The following NKAIN2 variants were observed in gnomAD, a reference collection of about 807,000 sequenced individuals.
The protein encoded by NKAIN2 is sodium/potassium transporting ATPase interacting 2, also known as sodium/potassium-transporting ATPase subunit beta-1-interacting protein 2.
A neutral mutation model predicts 32.6 loss-of-function variants in NKAIN2; 14 were observed. The ratio of observed to expected loss-of-function variants is 0.43; its 90% confidence interval spans 0.28 to 0.67. The LOEUF is 0.67. Among genes scored for constraint, NKAIN2 ranks in the 30% least tolerant of loss-of-function variants. NKAIN2 has a pLI of 0.17. For missense variants in NKAIN2, 198 were observed against 258.3 expected (o/e 0.77, Z 1.60); for synonymous variants, 80 against 87.2 (o/e 0.92, Z 0.46).
chr6:124,697,255 A>T (rs35052104), intron 4 of NKAIN2, among the ~76,000 whole-genome samples: 8,802 of 152,196 alleles, frequency 0.058, 329 homozygotes, highest in African/African-American at 0.11. Context: ...TGACAACAGT[A>T]GTGGTGAGGT....
At chr6:124,524,531 AAT>A (rs1445119829) in intron 3 of NKAIN2, among the ~76,000 whole-genome samples, 2 of 152,134 alleles carry the variant, frequency 1.3e-5, no homozygotes, top group African/African-American at 4.8e-5. Flanking sequence ...TCTAGCTACT[AAT>A]ATATGTTTTC....
At chr6:124,356,130 G>C (rs1798959258) in intron 3 of NKAIN2, among the ~76,000 whole-genome samples, 1 of 152,254 alleles carries the variant, frequency 6.6e-6, no homozygotes, top group African/African-American at 2.4e-5. Flanking sequence ...TACTTACCCT[G>C]TATTAGAGCA....
intron 1 of NKAIN2, among the ~76,000 whole-genome samples, chr6:124,095,402 G>C (rs1784609122): frequency 1.3e-5 from 2 of 152,112 alleles, no homozygotes; most frequent in Non-Finnish European, 2.9e-5. Context: ...GCTTGCTGTT[G>C]TCACTTAAAA....
chr6:124,812,766 CT>C (rs1780962153), intron 5 of NKAIN2, among the ~76,000 whole-genome samples: 1 of 151,992 alleles, frequency 6.6e-6, no homozygotes, highest in African/African-American at 2.4e-5. Flanking sequence ...CAATATGCCC[CT>C]GGCAAACAAA....
chr6:124,486,997 G>T (rs1308701851), intron 3 of NKAIN2, among the ~76,000 whole-genome samples: 1 of 152,126 alleles, frequency 6.6e-6, no homozygotes, highest in Non-Finnish European at 1.5e-5. Flanking sequence ...TGGGTTAAAA[G>T]ATTCACCAGG....
At chr6:124,693,754 G>A (rs1011693250) in intron 4 of NKAIN2, among the ~76,000 whole-genome samples, 1 of 152,154 alleles carries the variant, frequency 6.6e-6, no homozygotes, top group African/African-American at 2.4e-5. Context: ...TGTCATACCA[G>A]AGGAAGCCAA....
intron 2 of NKAIN2, among the ~76,000 whole-genome samples, chr6:124,304,657 T>A (rs1796436015): frequency 6.6e-6 from 1 of 152,196 alleles, no homozygotes; most frequent in Non-Finnish European, 1.5e-5. Context: ...GGCTCATGCC[T>A]GTAATCCCAG....
chr6:124,219,654 AT>A (rs1791702304), intron 1 of NKAIN2, among the ~76,000 whole-genome samples: 1 of 152,100 alleles, frequency 6.6e-6, no homozygotes, highest in Non-Finnish European at 1.5e-5. Flanking sequence ...AATTTTAAAA[AT>A]TCATAAGAAA....
At chr6:123,827,901 A>C (rs576035932) in intron 1 of NKAIN2, among the ~76,000 whole-genome samples, 1 of 151,878 alleles carries the variant, frequency 6.6e-6, no homozygotes. Flanking sequence ...CTCTCTATAT[A>C]TATATATGTC....
At chr6:124,165,208 G>A (rs1402390107) in intron 1 of NKAIN2, among the ~76,000 whole-genome samples, 2 of 151,980 alleles carry the variant, frequency 1.3e-5, no homozygotes, top group African/African-American at 4.8e-5. Context: ...TTTGAAATAT[G>A]TGAATATGCC....
At chr6:124,589,132 C>A (rs534221288) in intron 3 of NKAIN2, among the ~76,000 whole-genome samples, 16 of 152,086 alleles carry the variant, frequency 1.1e-4, no homozygotes, top group African/African-American at 3.9e-4. Flanking sequence ...TTTTATAAAT[C>A]AATATGAAAG....
intron 1 of NKAIN2, among the ~76,000 whole-genome samples, chr6:123,923,866 C>T (rs1222733522): frequency 6.7e-6 from 1 of 149,958 alleles, no homozygotes; most frequent in Non-Finnish European, 1.5e-5. Context: ...GGGTGCAGCA[C>T]ACCAGCATGG....
At chr6:124,596,987 A>G (rs1334163483) in intron 3 of NKAIN2, among the ~76,000 whole-genome samples, 1 of 152,162 alleles carries the variant, frequency 6.6e-6, no homozygotes, top group Non-Finnish European at 1.5e-5. Context: ...ATAGTCATGA[A>G]GAGAAAGTGA....
At chr6:124,187,441 G>A (rs1265835120) in intron 1 of NKAIN2, among the ~76,000 whole-genome samples, 1 of 151,902 alleles carries the variant, frequency 6.6e-6, no homozygotes, top group Non-Finnish European at 1.5e-5. Context: ...TTTGTTTATT[G>A]CAGCCACCCA....
intron 3 of NKAIN2, among the ~76,000 whole-genome samples, chr6:124,532,791 T>C (rs543724): frequency 0.88 from 133,879 of 152,216 alleles, 61,077 homozygotes; most frequent in East Asian, 1. Context: ...AATGCTCCCA[T>C]GGTTCCAACG....
chr6:123,844,009 T>C (rs1157945557), intron 1 of NKAIN2, among the ~76,000 whole-genome samples: 1 of 152,140 alleles, frequency 6.6e-6, no homozygotes, highest in Non-Finnish European at 1.5e-5. Flanking sequence ...ACAGATAAGT[T>C]CCGCTTTGGA....
intron 1 of NKAIN2, among the ~76,000 whole-genome samples, chr6:124,155,407 C>T (rs1787932358): frequency 6.6e-6 from 1 of 151,864 alleles, no homozygotes; most frequent in African/African-American, 2.4e-5. Context: ...CAAAACATTA[C>T]TGTGTACCCC....
intron 4 of NKAIN2, among the ~76,000 whole-genome samples, chr6:124,713,691 C>T (rs1775611034): frequency 6.6e-6 from 1 of 152,130 alleles, no homozygotes; most frequent in Non-Finnish European, 1.5e-5. Context: ...GCTGTCTTCA[C>T]ATGTTAGAAA....
intron 4 of NKAIN2, among the ~76,000 whole-genome samples, chr6:124,768,159 T>A (rs541832772): frequency 1.3e-5 from 2 of 152,304 alleles, no homozygotes; most frequent in Non-Finnish European, 2.9e-5. Context: ...AAAACACTAA[T>A]CATTTTGATT....
Sources: allele counts gnomAD v4.1 joint callset (sites outside exome capture counted in the v4.1 genomes callset), GRCh38; gene constraint gnomAD v4.1.1; transcripts MANE v1.5; gene names NCBI Gene and HGNC (gene_info 2026-07-23, HGNC 2026-07-21).